LRFN5: variants seen among roughly 807,000 people sequenced by gnomAD.
LRFN5 encodes leucine-rich repeat and fibronectin type-III domain-containing protein 5.
Under a neutral mutation model 45.6 loss-of-function variants are expected in LRFN5, and 24 were observed. That is an observed-to-expected ratio of 0.53 (90% CI 0.38 to 0.74). LRFN5 has a LOEUF of 0.74. Among genes scored for constraint, LRFN5 ranks in the 30% least tolerant of loss-of-function variants. The pLI, the probability that LRFN5 is intolerant of heterozygous loss-of-function variation, is 0.00. For synonymous variants in LRFN5, 340 were observed against 313.8 expected (o/e 1.08, Z -0.88); for missense variants, 776 against 861.5 (o/e 0.90, Z 1.24).
chr14:41,845,943 A>G (rs1889046524), intron 2 of LRFN5, among the ~76,000 whole-genome samples: 1 of 152,198 alleles, frequency 6.6e-6, no homozygotes, highest in Admixed American at 6.6e-5. Context: ...TTTGAATCTC[A>G]AGGGCTTAAC....
intron 2 of LRFN5, among the ~76,000 whole-genome samples, chr14:41,816,405 C>T (rs1887919299): frequency 1.3e-5 from 2 of 151,652 alleles, no homozygotes; most frequent in African/African-American, 4.8e-5. Context: ...GCATTTCTGG[C>T]CTTTATTATT....
At chr14:41,802,236 A>G (rs745896776) in intron 2 of LRFN5, among the ~76,000 whole-genome samples, 1 of 152,180 alleles carries the variant, frequency 6.6e-6, no homozygotes, top group East Asian at 1.9e-4. Context: ...TGTGGGCTCA[A>G]GTCAGAATAC....
At chr14:41,841,920 G>T (rs1888873839) in intron 2 of LRFN5, among the ~76,000 whole-genome samples, 1 of 151,854 alleles carries the variant, frequency 6.6e-6, no homozygotes, top group African/African-American at 2.4e-5. Flanking sequence ...AACTCACTAT[G>T]CCCTAATTAC....
At chr14:41,831,349 G>T (rs1362068741) in intron 2 of LRFN5, among the ~76,000 whole-genome samples, 1 of 152,020 alleles carries the variant, frequency 6.6e-6, no homozygotes, top group Non-Finnish European at 1.5e-5. Flanking sequence ...TAATAATTTT[G>T]TATGTGTAAT....
chr14:41,689,564 T>G (rs1419217321), intron 1 of LRFN5, among the ~76,000 whole-genome samples: 1 of 152,130 alleles, frequency 6.6e-6, no homozygotes, highest in Non-Finnish European at 1.5e-5. Context: ...TAAAGTCTAA[T>G]TAAGGTTATA....
At chr14:41,659,891 T>A (rs1182603876) in intron 1 of LRFN5, among the ~76,000 whole-genome samples, 1 of 147,222 alleles carries the variant, frequency 6.8e-6, no homozygotes, top group African/African-American at 2.6e-5. Context: ...CACTTTTTGA[T>A]GTTTTTTTTT....
intron 3 of LRFN5, among the ~76,000 whole-genome samples, chr14:41,889,932 C>T (rs1288918497): frequency 6.6e-6 from 1 of 152,106 alleles, no homozygotes; most frequent in African/African-American, 2.4e-5. Flanking sequence ...GGCACAATCT[C>T]GGCTCACTGC....
At chr14:41,630,677 ATTTTCT>A (rs1888502984) in intron 1 of LRFN5, among the ~76,000 whole-genome samples, 1 of 151,996 alleles carries the variant, frequency 6.6e-6, no homozygotes, top group Non-Finnish European at 1.5e-5. Flanking sequence ...GGAAAAGATA[ATTTTCT>A]TTTACTTTAT....
chr14:41,711,178 C>A (rs984009477), intron 1 of LRFN5, among the ~76,000 whole-genome samples: 2 of 152,062 alleles, frequency 1.3e-5, no homozygotes, highest in East Asian at 1.9e-4. Flanking sequence ...CTTAAATAGG[C>A]AATACATATG....
chr14:41,743,586 G>C (rs1884797606), intron 1 of LRFN5, among the ~76,000 whole-genome samples: 2 of 152,162 alleles, frequency 1.3e-5, no homozygotes, highest in Admixed American at 1.3e-4. Flanking sequence ...AGTTTTATTG[G>C]AGGAATAAAC....
chr14:41,632,162 G>GA lies in LRFN5; in HGVS notation c.-197+23610dup, dbSNP rs11356568. ...TAAAGGGTGAATAAGAAGTCACAAG[G>GA]AAAAAAAAAACGTAGCATTTCGGGG... is the stretch of plus-strand genomic sequence containing the variant. On this transcript the variant is annotated intron_variant, in intron 1 of 5. Transcript: ENST00000298119. 7.0e-4 allele frequency among the ~76,000 whole-genome samples: 103 copies of GA among 146,816 alleles called. 2 individuals carry two copies. Among genetic ancestry groups the GA allele is most frequent in the Admixed American group, 1.0e-3 (15 of 14,770 alleles).
At chr14:41,679,260 G>A (rs1171878475) in intron 1 of LRFN5, among the ~76,000 whole-genome samples, 1 of 152,138 alleles carries the variant, frequency 6.6e-6, no homozygotes, top group Non-Finnish European at 1.5e-5. Flanking sequence ...GCGACGCAGT[G>A]AAACACAAGC....
At chr14:41,775,226 G>A (rs947959842) in intron 2 of LRFN5, among the ~76,000 whole-genome samples, 8 of 151,168 alleles carry the variant, frequency 5.3e-5, no homozygotes, top group African/African-American at 1.5e-4. Context: ...GAGTAGCTGG[G>A]ACTACAGGCG....
In LRFN5 at chr14:41,688,486, T is replaced by C. The variant is rs531291611; in HGVS notation, c.-196-78368T>C. Among the ~76,000 whole-genome samples, 51 of 151,682 alleles carry C rather than the reference T, an allele frequency of 3.4e-4. No homozygotes were observed. In the South Asian group the frequency reaches 4.2e-3, roughly 12 times the overall value. ...AAAAATTTAAAAATAAATTAGTAAA[T>C]TTAAAAGGATTGAAGTTCTACAAAA... On this transcript the variant is annotated intron_variant, in intron 1 of 5. Coordinates refer to ENST00000298119, the MANE Select transcript of LRFN5 (RefSeq NM_152447.5).
At chr14:41,732,260 A>T (rs1475595074) in intron 1 of LRFN5, among the ~76,000 whole-genome samples, 2 of 152,036 alleles carry the variant, frequency 1.3e-5, no homozygotes, top group Non-Finnish European at 2.9e-5. Context: ...CTGATTATTG[A>T]TTGCTGATTT....
At chr14:41,643,505 A>G (rs947290704) in intron 1 of LRFN5, among the ~76,000 whole-genome samples, 3 of 152,248 alleles carry the variant, frequency 2.0e-5, no homozygotes, top group East Asian at 1.9e-4. Flanking sequence ...GTTAGCTTCT[A>G]AGTTATCTTG....
At chr14:41,684,378 A>G (rs1882030607) in intron 1 of LRFN5, among the ~76,000 whole-genome samples, 1 of 152,184 alleles carries the variant, frequency 6.6e-6, no homozygotes, top group Non-Finnish European at 1.5e-5. Flanking sequence ...GTCCTCAGGA[A>G]ACTTACGATT....
chr14:41,621,086 A>G (rs1176546080), intron 1 of LRFN5, among the ~76,000 whole-genome samples: 1 of 152,126 alleles, frequency 6.6e-6, no homozygotes. Context: ...ATATTTGTGT[A>G]TATACTTTTA....
At chr14:41,795,442 A>C (rs1887086100) in intron 2 of LRFN5, among the ~76,000 whole-genome samples, 1 of 152,116 alleles carries the variant, frequency 6.6e-6, no homozygotes, top group Non-Finnish European at 1.5e-5. Flanking sequence ...TACCCAAAGG[A>C]TTATAAATCA....
Sources: allele counts gnomAD v4.1 joint callset (sites outside exome capture counted in the v4.1 genomes callset), GRCh38; gene constraint gnomAD v4.1.1; transcripts MANE v1.5; gene names NCBI Gene and HGNC (gene_info 2026-07-23, HGNC 2026-07-21).